The following TLK1 variants were observed in gnomAD, a reference collection of about 807,000 sequenced individuals.
TLK1 encodes tousled like kinase 1.
TLK1 carries 24 observed loss-of-function variants against 105.3 expected under a neutral mutation model. The ratio of observed to expected loss-of-function variants is 0.23; its 90% CI spans 0.17 to 0.32. TLK1 has a LOEUF of 0.32. TLK1 is among the 10% of genes least tolerant of loss of function. The pLI is 1.00. For synonymous variants in TLK1, 321 were observed against 310.4 expected (o/e 1.03, Z -0.36); for missense variants, 558 against 910.5 (o/e 0.61, Z 4.98).
Position 171,151,778 on chromosome 2 carries a change from TGTATCTTTAAGTAAATGAAATAA to T in TLK1, c.139+8489_139+8511del, listed in dbSNP as rs561429970. Among the ~76,000 whole-genome samples, 663 of 152,292 alleles carry T rather than the reference TGTATCTTTAAGTAAATGAAATAA, an allele frequency of 4.4e-3. 9 individuals are homozygous for T. Among genetic ancestry groups the T allele is most frequent in the Middle Eastern group, 0.01 (3 of 294 alleles). On this transcript the variant is annotated intron_variant, in intron 1 of 20. Coordinates refer to ENST00000431350, the MANE Select transcript of TLK1 (RefSeq NM_012290.5). ...GCGTGAGCCACCGCGCCCAGCCATGTGTATCTTTAAGTAAATGAAATAAGTATCTTTAAGTAAATGAAATAAGT... is the reference window on the plus strand; with the variant it reads ...GCGTGAGCCACCGCGCCCAGCCATGTGTATCTTTAAGTAAATGAAATAAGT...
chr2:171,058,029 TA>T, intron 5 of TLK1, 121 bp downstream of exon 5: 3 of 895,828 alleles, frequency 3.3e-6, no homozygotes, highest in Non-Finnish European at 5.2e-6. Context: ...CACATAGTAA[TA>T]AAGCTCTGCT....
intron 2 of TLK1, among the ~76,000 whole-genome samples, chr2:171,107,031 T>C (rs186628882): frequency 1.4e-4 from 21 of 152,326 alleles, no homozygotes; most frequent in Admixed American, 9.8e-4. Flanking sequence ...TTTAGCCTCA[T>C]CCAATCTACA....
intron 11 of TLK1, among the ~76,000 whole-genome samples, chr2:171,036,875 T>G (rs145057286): frequency 1.3e-5 from 2 of 152,176 alleles, no homozygotes; most frequent in Non-Finnish European, 2.9e-5. Context: ...GTGGAAAGGA[T>G]GTGAATCTTT....
intron 1 of TLK1, among the ~76,000 whole-genome samples, chr2:171,192,883 A>C (rs1693182627): frequency 6.6e-6 from 1 of 152,164 alleles, no homozygotes; most frequent in Admixed American, 6.5e-5. Context: ...ACAAGAGAGG[A>C]TTATTCTGGA....
intron 2 of TLK1, among the ~76,000 whole-genome samples, chr2:171,098,564 C>CT (rs1689552239): frequency 6.6e-6 from 1 of 152,130 alleles, no homozygotes; most frequent in African/African-American, 2.4e-5. Context: ...TAAAGCAGAA[C>CT]TAATACTAAT....
At chr2:171,190,136 C>T (rs1266332291) in intron 1 of TLK1, among the ~76,000 whole-genome samples, 1 of 152,090 alleles carries the variant, frequency 6.6e-6, no homozygotes, top group Non-Finnish European at 1.5e-5. Flanking sequence ...ACTTCTCCAC[C>T]CTCACAACAT....
chr2:171,194,616 G>T (rs1183960282), intron 1 of TLK1, among the ~76,000 whole-genome samples: 1 of 152,042 alleles, frequency 6.6e-6, no homozygotes, highest in Non-Finnish European at 1.5e-5. Context: ...AGGAGATCGA[G>T]ACCATCCTGG....
At chr2:171,036,023 T>C (rs954207203) in intron 11 of TLK1, among the ~76,000 whole-genome samples, 3 of 152,214 alleles carry the variant, frequency 2.0e-5, no homozygotes, top group African/African-American at 7.2e-5. Flanking sequence ...TGTGATTTGT[T>C]ACAGCAGCCA....
At position 171,160,601 on chromosome 2, in the gene TLK1, G is replaced by A. The variant is rs2105614780; in HGVS notation, c.-173C>T. On this transcript the variant is annotated 5_prime_UTR_variant, in exon 1 of 21. Coordinates refer to ENST00000431350, the MANE Select transcript of TLK1 (RefSeq NM_012290.5). The surrounding 1 kb of genome is among the most constrained non-coding windows in gnomAD (Gnocchi z 4.4). ...AAACCGAGAAGAGGGGAGGTGGGGA[G>A]GAAAGAGGTGAGGGAAGGAGAGGGG... 1 of 1,045,186 alleles carries A rather than the reference G, an allele frequency of 9.6e-7. No individual in the cohort carries two copies. The highest frequency in any genetic ancestry group is 3.4e-5 in the Admixed American group (1 of 29,446). 64.7% of individuals were successfully genotyped at this position (1,045,186 alleles called of 1,614,324 possible). A position where few individuals can be genotyped will look rare whatever the true frequency, so the allele number is the denominator to read the frequency against.
chr2:171,204,547 T>C (rs980499340), intron 1 of TLK1, among the ~76,000 whole-genome samples: 1 of 151,190 alleles, frequency 6.6e-6, no homozygotes, highest in African/African-American at 2.4e-5. Flanking sequence ...TTTGTGTCAT[T>C]TGAGCATCCA....
At chr2:171,169,260 G>A (rs1003143586) in intron 1 of TLK1, among the ~76,000 whole-genome samples, 2 of 151,990 alleles carry the variant, frequency 1.3e-5, no homozygotes, top group African/African-American at 4.8e-5. Context: ...ACAATATTAA[G>A]CATATGGTAA....
intron 1 of TLK1, among the ~76,000 whole-genome samples, chr2:171,223,277 G>A (rs147022684): frequency 6.6e-6 from 1 of 152,080 alleles, no homozygotes; most frequent in Non-Finnish European, 1.5e-5. Context: ...AGTGTACAAG[G>A]ATTCCTCTTT....
At chr2:171,034,958 G>A (rs1686250277) in intron 11 of TLK1, among the ~76,000 whole-genome samples, 3 of 152,134 alleles carry the variant, frequency 2.0e-5, no homozygotes, top group Admixed American at 2.0e-4. Flanking sequence ...GAGGGACCTG[G>A]TGGGAGGTAA....
intron 3 of TLK1, among the ~76,000 whole-genome samples, chr2:171,069,895 A>G (rs1051668199): frequency 3.3e-5 from 5 of 152,222 alleles, no homozygotes; most frequent in Admixed American, 2.6e-4. Flanking sequence ...TTCAATTTTT[A>G]AAGTTAAAGA....
At chr2:171,188,100 A>G (rs1328320986) in intron 1 of TLK1, among the ~76,000 whole-genome samples, 2 of 152,228 alleles carry the variant, frequency 1.3e-5, no homozygotes, top group Non-Finnish European at 2.9e-5. Context: ...TCAAGGGTCA[A>G]GTGAAATTCA....
chr2:171,176,963 G>C (rs1231537390), intron 1 of TLK1, among the ~76,000 whole-genome samples: 1 of 151,864 alleles, frequency 6.6e-6, no homozygotes, highest in Non-Finnish European at 1.5e-5. Flanking sequence ...CTCCTGAGTG[G>C]CTGGGATTAC....
chr2:171,230,035 A>G (rs1693965362), intron 1 of TLK1, among the ~76,000 whole-genome samples: 1 of 152,346 alleles, frequency 6.6e-6, no homozygotes, highest in East Asian at 1.9e-4. Flanking sequence ...CAGTAAAAAA[A>G]AAAGACTAAT....
intron 12 of TLK1, among the ~76,000 whole-genome samples, chr2:171,019,653 G>A (rs570171679): frequency 3.9e-5 from 6 of 152,258 alleles, no homozygotes; most frequent in African/African-American, 1.4e-4. Flanking sequence ...GTATTTTGAT[G>A]TATTATTCTC....
rs143409232 is a variant in TLK1 at position 171,018,914 on chromosome 2, A to C, written c.1237-3966T>G. On this transcript the variant is annotated intron_variant, in intron 12 of 20. Transcript: ENST00000431350. The stretch of plus-strand genomic sequence containing the variant: ...GGTAAGTTTGGCAATTAAATACACA[A>C]TAAAAGGACATGGCTCTTTTCTGTT... Among the ~76,000 whole-genome samples the C allele has an allele frequency of 2.3e-3, 350 of 152,340 alleles. 1 individual carries two copies. The highest frequency in any genetic ancestry group is 7.7e-3 in the African/African-American group (319 of 41,586).
Sources: allele counts gnomAD v4.1 joint callset (sites outside exome capture counted in the v4.1 genomes callset), GRCh38; gene constraint gnomAD v4.1.1; non-coding constraint Gnocchi (gnomAD v3.1); transcripts MANE v1.5; gene names NCBI Gene and HGNC (gene_info 2026-07-23, HGNC 2026-07-21).